The following DCC variants were observed in gnomAD, a reference collection of about 807,000 sequenced individuals.
DCC encodes netrin receptor DCC.
Under a neutral mutation model 172.5 loss-of-function variants are expected in DCC, and 58 were observed. The observed-to-expected ratio is 0.34, with a 90% CI of 0.27 to 0.42. The LOEUF is 0.42. Among genes scored for constraint, DCC ranks in the 10% least tolerant of loss-of-function variants. The probability of loss-of-function intolerance (pLI) is 1.00; values close to 1 mark genes in which losing one functional copy is unlikely to be tolerated. For missense variants in DCC, 1,740 were observed against 1,791.0 expected (o/e 0.97, Z 0.51); for synonymous variants, 709 against 644.5 (o/e 1.10, Z -1.52).
chr18:52,885,574 A>G (rs1369907045), intron 2 of DCC, among the ~76,000 whole-genome samples: 2 of 152,118 alleles, frequency 1.3e-5, no homozygotes, highest in Non-Finnish European at 2.9e-5. Flanking sequence ...CGTCTGGACA[A>G]TGGCAGGTCC....
chr18:52,745,268 C>T (rs1412049385), intron 1 of DCC, among the ~76,000 whole-genome samples: 1 of 152,184 alleles, frequency 6.6e-6, no homozygotes, highest in Non-Finnish European at 1.5e-5. Flanking sequence ...ACCCAAATTA[C>T]ACAAATTCCT....
intron 12 of DCC, among the ~76,000 whole-genome samples, chr18:53,244,682 T>C (rs2056344875): frequency 6.6e-6 from 1 of 152,066 alleles, no homozygotes. Flanking sequence ...AGGCTTGGAC[T>C]TCTCACAATA....
Position 53,155,848 on chromosome 18 carries a change from G to A in DCC, c.1262-1508G>A, listed in dbSNP as rs754673750. 5.3e-5 allele frequency among the ~76,000 whole-genome samples: 8 copies of A among 152,196 alleles called. No homozygotes were observed. In the East Asian group the frequency reaches 1.2e-3, roughly 22 times the overall value. On this transcript the variant is annotated intron_variant, in intron 7 of 28. Coordinates refer to ENST00000442544, the MANE Select transcript of DCC (RefSeq NM_005215.4). Reference sequence around the variant, plus strand: ...TCAAGACCAGCCTGGCCAACATAGTGAAACCCTGTCTCTACCAAAAATACA... The same window carrying A: ...TCAAGACCAGCCTGGCCAACATAGTAAAACCCTGTCTCTACCAAAAATACA...
Position 52,770,801 on chromosome 18 carries a change from TAGAAA to T in DCC, c.412+18431_412+18435del, listed in dbSNP as rs201799655. On this transcript the variant is annotated intron_variant, in intron 2 of 28. Transcript: ENST00000442544. Reference sequence around the variant, plus strand: ...TTGGTGAGTCATGGAATCTTGGACTTAGAAAAGATAAAAGTCTGCATGTAGAAGTC... The same window carrying T: ...TTGGTGAGTCATGGAATCTTGGACTTAGATAAAAGTCTGCATGTAGAAGTC... 2.1e-3 allele frequency among the ~76,000 whole-genome samples: 316 copies of T among 152,308 alleles called. No homozygotes were observed. In the East Asian group the frequency reaches 0.021, roughly 10 times the overall value.
intron 1 of DCC, among the ~76,000 whole-genome samples, chr18:52,461,813 G>A (rs1395853713): frequency 1.3e-5 from 2 of 152,040 alleles, no homozygotes; most frequent in African/African-American, 4.8e-5. Context: ...AAGATACTCC[G>A]ATTTTTATCT....
intron 1 of DCC, among the ~76,000 whole-genome samples, chr18:52,572,680 C>T (rs907100997): frequency 7.9e-5 from 12 of 152,134 alleles, no homozygotes; most frequent in Non-Finnish European, 1.3e-4. Flanking sequence ...CCATTCTTGA[C>T]GTGGGGATCC....
rs530951183 is a variant in DCC at position 52,989,842 on chromosome 18, A to C, written c.985+64472A>C. 2.0e-5 allele frequency among the ~76,000 whole-genome samples: 3 copies of C among 152,268 alleles called. No homozygotes were observed. In the South Asian group the frequency reaches 6.2e-4, roughly 32 times the overall value. ...AGCAGAAAGCAATTTCAATCTATCA[A>C]AGCCATGTAGGGACCAGAGATGGGG... is the stretch of plus-strand genomic sequence containing the variant. On this transcript the variant is annotated intron_variant, in intron 5 of 28. Coordinates refer to ENST00000442544, the MANE Select transcript of DCC (RefSeq NM_005215.4).
chr18:52,629,404 T>C (rs2034633364), intron 1 of DCC, among the ~76,000 whole-genome samples: 1 of 152,166 alleles, frequency 6.6e-6, no homozygotes, highest in Non-Finnish European at 1.5e-5. Context: ...TATGGAAATG[T>C]GGGCATTACT....
rs559574924 is a variant in DCC, at chr18:52,987,784, C to A, written c.985+62414C>A. The stretch of plus-strand genomic sequence containing the variant: ...TTCTCCTCTATTATTCTCAGTGTTG[C>A]TCCTGAATTCTCTGGCTTACCACAC... On this transcript the variant is annotated intron_variant, in intron 5 of 28. Coordinates refer to ENST00000442544, the MANE Select transcript of DCC (RefSeq NM_005215.4). 1.4e-4 allele frequency among the ~76,000 whole-genome samples: 22 copies of A among 152,246 alleles called. No homozygotes were observed. The South Asian group carries it at 2.3e-3, about 16-fold the overall frequency.
At chr18:52,788,766 G>A (rs866870023) in intron 2 of DCC, among the ~76,000 whole-genome samples, 2 of 152,210 alleles carry the variant, frequency 1.3e-5, no homozygotes, top group African/African-American at 2.4e-5. Context: ...TGCATTTCTA[G>A]GGCATAAAAA....
At chr18:52,501,738 A>ATAT (rs2031029395) in intron 1 of DCC, among the ~76,000 whole-genome samples, 2 of 152,104 alleles carry the variant, frequency 1.3e-5, no homozygotes, top group African/African-American at 4.8e-5. Flanking sequence ...TTGCTGTCAA[A>ATAT]ATTTCTGAGT....
chr18:53,148,058 C>A (rs891823716), intron 7 of DCC, among the ~76,000 whole-genome samples: 4 of 152,176 alleles, frequency 2.6e-5, no homozygotes, highest in Non-Finnish European at 5.9e-5. Flanking sequence ...CACACACATA[C>A]AAAATTAAAC....
intron 15 of DCC, among the ~76,000 whole-genome samples, chr18:53,382,958 C>T (rs1403943336): frequency 6.6e-6 from 1 of 152,108 alleles, no homozygotes; most frequent in Non-Finnish European, 1.5e-5. Flanking sequence ...TAAATACACT[C>T]ATTTTTAAGG....
At chr18:52,592,900 C>T (rs1195615324) in intron 1 of DCC, among the ~76,000 whole-genome samples, 2 of 152,114 alleles carry the variant, frequency 1.3e-5, no homozygotes, top group Non-Finnish European at 2.9e-5. Context: ...CCAACTTGGC[C>T]TCCCGAAGTG....
intron 10 of DCC, among the ~76,000 whole-genome samples, chr18:53,206,970 C>G (rs1217370130): frequency 3.3e-5 from 5 of 152,058 alleles, no homozygotes; most frequent in Non-Finnish European, 7.4e-5. Context: ...CCTATGTAAT[C>G]ATGGGTTGTA....
chr18:52,704,895 G>C (rs1386473984), intron 1 of DCC, among the ~76,000 whole-genome samples: 1 of 152,100 alleles, frequency 6.6e-6, no homozygotes, highest in Non-Finnish European at 1.5e-5. Context: ...TTGAGCTGGA[G>C]GCTATGTTGC....
intron 5 of DCC, among the ~76,000 whole-genome samples, chr18:52,956,966 A>G (rs2040755267): frequency 6.6e-6 from 1 of 152,116 alleles, no homozygotes; most frequent in South Asian, 2.1e-4. Flanking sequence ...GAAAACACGC[A>G]TATTGCTTTG....
intron 1 of DCC, among the ~76,000 whole-genome samples, chr18:52,684,748 G>GA (rs35727702): frequency 0.01 from 1,524 of 151,752 alleles, 38 homozygotes; most frequent in African/African-American, 0.035. Context: ...AAAATATTCA[G>GA]AAAAAAAAAT....
intron 2 of DCC, among the ~76,000 whole-genome samples, chr18:52,848,744 C>T (rs143818424): frequency 1.4e-3 from 212 of 152,218 alleles, no homozygotes; most frequent in African/African-American, 4.9e-3. Flanking sequence ...ATGGAATTAT[C>T]CATCTTTCTC....
Sources: gnomAD v4.1 joint callset for allele counts (sites outside exome capture counted in the v4.1 genomes callset) on GRCh38, gnomAD v4.1.1 for gene constraint, MANE v1.5 for transcripts, NCBI Gene and HGNC (gene_info 2026-07-23, HGNC 2026-07-21) for gene names.